The following CDON variants were observed in gnomAD, a reference collection of about 807,000 sequenced individuals.
CDON encodes the protein cell adhesion molecule-related/down-regulated by oncogenes.
CDON carries 73 observed loss-of-function variants against 120.9 expected under a neutral mutation model. That is an observed-to-expected ratio of 0.60 (90% CI 0.50 to 0.73). The LOEUF (loss-of-function observed/expected upper bound fraction) is 0.73. Ranked by LOEUF, CDON falls within the 30% of genes least tolerant of loss-of-function variation. The pLI is 0.00. For missense variants in CDON, 1,470 were observed against 1,587.3 expected, an observed-to-expected ratio of 0.93 and a Z score of 1.26; for synonymous variants, 566 against 573.5, an observed-to-expected ratio of 0.99 and a Z score of 0.19.
intron 6 of CDON, among the ~76,000 whole-genome samples, chr11:126,015,994 C>T (rs1364390862): frequency 6.6e-6 from 1 of 152,150 alleles, no homozygotes; most frequent in African/African-American, 2.4e-5. Flanking sequence ...TTTAGGGATC[C>T]TTAAAGTCAC....
At chr11:126,001,478 C>T (rs770540459) in intron 11 of CDON, among the ~76,000 whole-genome samples, 3 of 151,532 alleles carry the variant, frequency 2.0e-5, no homozygotes, top group Non-Finnish European at 4.4e-5. Flanking sequence ...AAACTCCTTT[C>T]TTGAGTTCTA....
intron 1 of CDON, among the ~76,000 whole-genome samples, chr11:126,035,980 T>C (rs1277850807): frequency 6.6e-6 from 1 of 152,134 alleles, no homozygotes; most frequent in African/African-American, 2.4e-5. Flanking sequence ...AGTGGCCAGA[T>C]TGTAACACAA....
rs756369663 is a variant in CDON at position 126,010,740 on chromosome 11, T to C, written c.1199-46A>G. On this transcript the variant is annotated intron_variant, in intron 7 of 19. Transcript: ENST00000531738. Reference sequence around the variant, plus strand: ...ATATGAAAAATGAAGAACATTGTAGTACCTACGATGCAAAACAACTTCATC... The same window carrying C: ...ATATGAAAAATGAAGAACATTGTAGCACCTACGATGCAAAACAACTTCATC... The C allele has an allele frequency of 2.0e-6, 3 of 1,474,312 alleles. No individual in the cohort carries two copies. The South Asian group carries it at 3.5e-5, about 17-fold the overall frequency. 91.3% of individuals were successfully genotyped at this position (1,474,312 alleles called of 1,614,324 possible).
In CDON at chr11:125,994,559, C is replaced by T. The variant is rs182512279; in HGVS notation, c.2545-170G>A. On this transcript the variant is annotated intron_variant, in intron 13 of 19. Transcript: ENST00000531738. ...GGTATTAAAAGCATTTAGCTTATTG[C>T]GAGGTTAAACAGAAATAAGGCAGTA... Among the ~76,000 whole-genome samples, 6 of 152,124 alleles carry T rather than the reference C, an allele frequency of 3.9e-5. No homozygotes were observed. In the East Asian group the frequency reaches 1.2e-3, roughly 29 times the overall value.
intron 1 of CDON, among the ~76,000 whole-genome samples, chr11:126,058,208 G>A (rs1226583440): frequency 6.6e-6 from 1 of 152,072 alleles, no homozygotes; most frequent in Non-Finnish European, 1.5e-5. Flanking sequence ...ATTTTTTCTC[G>A]AGTAAGATGA....
chr11:126,033,829 T>C (rs1396557443), intron 1 of CDON, among the ~76,000 whole-genome samples: 2 of 152,132 alleles, frequency 1.3e-5, no homozygotes, highest in African/African-American at 2.4e-5. Flanking sequence ...TACTATCTAA[T>C]AGCATGCTAC....
At chr11:125,963,539 C>T (rs1333339260) in intron 18 of CDON, among the ~76,000 whole-genome samples, 1 of 152,202 alleles carries the variant, frequency 6.6e-6, no homozygotes, top group Non-Finnish European at 1.5e-5. Context: ...CTAGCAGTTA[C>T]ACTCGTTCAA....
At chr11:126,013,713 T>C (rs913021734) in intron 7 of CDON, among the ~76,000 whole-genome samples, 1 of 152,130 alleles carries the variant, frequency 6.6e-6, no homozygotes, top group Admixed American at 6.5e-5. Flanking sequence ...GATGTGTCCA[T>C]TTTCTTAGAC....
intron 18 of CDON, among the ~76,000 whole-genome samples, chr11:125,972,659 G>A (rs2134397134): frequency 6.6e-6 from 1 of 152,146 alleles, no homozygotes; most frequent in African/African-American, 2.4e-5. Context: ...AAAATAGATG[G>A]GTGATAAAAG....
chr11:126,017,177 A>G lies in CDON; in HGVS notation c.839T>C (p.Val280Ala), dbSNP rs1245354393. Residue 280 changes from valine (V) to alanine (A), a missense_variant, in exon 6 of 20, where the codon GTT (valine) becomes GCT (alanine). By Grantham distance (64) the Val-to-Ala change is moderately conservative. Transcript: ENST00000531738. Reference sequence around the variant, plus strand: ...ATAGTTTCCGGAGTCCGCCGGGTCAACGCTATCAGTGGCAAGATGAGAATA... The same window carrying G: ...ATAGTTTCCGGAGTCCGCCGGGTCAGCGCTATCAGTGGCAAGATGAGAATA... ...RLYSHLATDS[V>A]DPADSGNYSC... 4.3e-6 allele frequency: 7 copies of G among 1,614,062 alleles called. No individual in the cohort carries two copies. The African/African-American group carries it at 5.3e-5, about 12-fold the overall frequency.
chr11:125,970,986 G>A (rs930554827), intron 18 of CDON, among the ~76,000 whole-genome samples: 15 of 152,264 alleles, frequency 9.9e-5, no homozygotes, highest in Admixed American at 7.2e-4. Flanking sequence ...GAAGCTGAAT[G>A]CCTGTTTTCT....
rs554852896 is a variant in CDON at position 125,972,216 on chromosome 11, A to C, written c.3356+6088T>G. Among the ~76,000 whole-genome samples the C allele has an allele frequency of 5.3e-5, 8 of 151,860 alleles. No homozygotes were observed. The South Asian group carries it at 1.7e-3, about 32-fold the overall frequency. On this transcript the variant is annotated intron_variant, in intron 18 of 19. Coordinates refer to ENST00000531738, the MANE Select transcript of CDON (RefSeq NM_001378964.1). ...CGAGGCGGGCAGATCACATGAGGCC[A>C]GGAGTGCGAGACCAGCCTAGCCAAC... is the stretch of plus-strand genomic sequence containing the variant.
intron 1 of CDON, among the ~76,000 whole-genome samples, chr11:126,061,612 A>G (rs1367113760): frequency 1.3e-5 from 2 of 152,226 alleles, no homozygotes; most frequent in Non-Finnish European, 2.9e-5. Context: ...TCAGCGCCGA[A>G]AGGAATCAGA....
intron 18 of CDON, among the ~76,000 whole-genome samples, chr11:125,972,398 G>C (rs1169017952): frequency 6.6e-6 from 1 of 152,086 alleles, no homozygotes. Flanking sequence ...CTGCACTCCA[G>C]CCTGGGTACT....
At chr11:126,020,632 C>T (rs1018482851) in intron 3 of CDON, among the ~76,000 whole-genome samples, 2 of 152,296 alleles carry the variant, frequency 1.3e-5, no homozygotes, top group Middle Eastern at 3.4e-3. Flanking sequence ...CTTACAAAGA[C>T]GTTTTCCATT....
intron 9 of CDON, among the ~76,000 whole-genome samples, chr11:126,004,911 C>A (rs1947067296): frequency 6.6e-6 from 1 of 152,132 alleles, no homozygotes; most frequent in Non-Finnish European, 1.5e-5. Flanking sequence ...CCAACACAAG[C>A]CCATGGGGAA....
intron 14 of CDON, among the ~76,000 whole-genome samples, chr11:125,993,695 G>A (rs900998637): frequency 2.0e-5 from 3 of 152,224 alleles, no homozygotes; most frequent in African/African-American, 7.2e-5. Context: ...ACTGAAGGAA[G>A]TGCCAGAAAG....
At chr11:126,009,632 C>G (rs188546627) in intron 8 of CDON, among the ~76,000 whole-genome samples, 1 of 152,190 alleles carries the variant, frequency 6.6e-6, no homozygotes, top group Non-Finnish European at 1.5e-5. Flanking sequence ...TTACCCAAAA[C>G]TAAAGGCAGT....
rs1221390080 is a variant in CDON, at chr11:125,978,362, C to G, written c.3298G>C (p.Val1100Leu). Residue 1100 changes from valine to leucine, a missense_variant, in exon 18 of 20, where the codon GTG becomes CTG. Val to Leu is a conservative substitution (Grantham distance 32, BLOSUM62 1). Coordinates refer to ENST00000531738, the MANE Select transcript of CDON (RefSeq NM_001378964.1). ...CACTCCAGAGGGTCAATCTGAGGCACGGCCGTGTACATTCCACCACCCTGG... is the reference window on the plus strand; with the variant it reads ...CACTCCAGAGGGTCAATCTGAGGCAGGGCCGTGTACATTCCACCACCCTGG... ...LVNGGGMYTA[V>L]PQIDPLECVN... 1.9e-6 allele frequency: 3 copies of G among 1,608,576 alleles called. No individual in the cohort carries two copies. The highest frequency in any genetic ancestry group is 2.6e-6 in the Non-Finnish European group (3 of 1,176,454).
Sources: allele counts gnomAD v4.1 joint callset (sites outside exome capture counted in the v4.1 genomes callset), GRCh38; gene constraint gnomAD v4.1.1; transcripts MANE v1.5; gene names NCBI Gene and HGNC (gene_info 2026-07-23, HGNC 2026-07-21).